Variants in SEMA7A observed in about 807,000 individuals in gnomAD.
SEMA7A encodes the protein semaphorin 7A (JohnMiltonHagen blood group), also known as semaphorin-7A.
SEMA7A carries 21 observed loss-of-function variants against 67.5 expected under a neutral mutation model. That is an observed-to-expected ratio of 0.31 (90% confidence interval 0.22 to 0.45). The LOEUF is 0.45. Among genes scored for constraint, SEMA7A ranks in the 20% least tolerant of loss-of-function variants. The probability of loss-of-function intolerance (pLI) is 1.00; values close to 1 mark genes in which losing one functional copy is unlikely to be tolerated. For synonymous variants in SEMA7A, 364 were observed against 368.5 expected (o/e 0.99, Z 0.14); for missense variants, 774 against 908.6 (o/e 0.85, Z 1.90).
intron 1 of SEMA7A, among the ~76,000 whole-genome samples, chr15:74,426,541 G>A (rs1355557143): frequency 2.0e-5 from 3 of 152,122 alleles, no homozygotes; most frequent in African/African-American, 4.8e-5. Context: ...GAATCTTCTC[G>A]AGGTGCAGCG....
At chr15:74,430,558 CG>C (rs1203412155) in intron 1 of SEMA7A, among the ~76,000 whole-genome samples, 1 of 152,214 alleles carries the variant, frequency 6.6e-6, no homozygotes, top group East Asian at 1.9e-4. Context: ...CCTGTGCCAG[CG>C]TCCATTCCAC....
At chr15:74,417,230 C>T (rs2060958069) in intron 6 of SEMA7A, 105 bp downstream of exon 6, 4 of 876,596 alleles carry the variant, frequency 4.6e-6, no homozygotes, top group Non-Finnish European at 5.6e-6. Flanking sequence ...CTGCATGGCC[C>T]CAGCGGCCCT....
chr15:74,417,620 G>T lies in SEMA7A; in HGVS notation c.521C>A (p.Pro174Gln). The T allele has an allele frequency of 6.2e-7, 1 of 1,612,784 alleles. No homozygotes were observed. The highest frequency in any genetic ancestry group is 1.3e-5 in the African/African-American group (1 of 75,024). The change falls in exon 5 of 14, where the codon CCG (proline) becomes CAG (glutamine). Residue 174 changes from proline to glutamine, a missense_variant. Pro to Gln is a moderately conservative substitution (Grantham distance 76). Transcript: ENST00000261918. ...GEMRGYAPFS[P>Q]DENSLVLFEG... The stretch of plus-strand genomic sequence containing the variant: ...AAACAGAACCAGGGAGTTCTCGTCC[G>T]GGCTGAAGGGGGCGTAGCCTCTCAT...
At chr15:74,416,103 G>A in intron 7 of SEMA7A, 118 bp from the exon 8 acceptor site, 1 of 1,080,192 alleles carries the variant, frequency 9.3e-7, no homozygotes, top group East Asian at 2.4e-5. Flanking sequence ...GGCAGGCTGT[G>A]AGGGGCCAGG....
chr15:74,412,464 T>C (rs1349415094), intron 10 of SEMA7A, among the ~76,000 whole-genome samples: 1 of 152,108 alleles, frequency 6.6e-6, no homozygotes, highest in Non-Finnish European at 1.5e-5. Flanking sequence ...AGAGACCGAG[T>C]TGGAACCCAA....
Position 74,410,979 on chromosome 15 carries a change from G to T in SEMA7A, c.1646C>A (p.Ala549Asp). Residue 549 changes from alanine (A) to aspartate (D), a missense_variant, in exon 14 of 14, where the codon GCC becomes GAC. By Grantham distance (126) the Ala-to-Asp change is moderately radical. Around this residue, in one of 2 missense-constraint regions of SEMA7A, gnomAD observed 427 missense variants for 555.4 expected, o/e 0.77. Coordinates refer to ENST00000261918, the MANE Select transcript of SEMA7A (RefSeq NM_003612.5). This position sits in a 1 kb window ranked among gnomAD's most constrained non-coding sequence, Gnocchi z 7.5. ...KECPNPKPDKAPLQKVSLAPN... is the reference protein window; with the variant it reads ...KECPNPKPDKDPLQKVSLAPN... The stretch of plus-strand genomic sequence containing the variant: ...GGCCAGGGAAACCTTCTGCAGTGGG[G>T]CCTTGTCTGGGGAGGCAGTGGGGAA... The T allele has an allele frequency of 6.2e-7, 1 of 1,611,696 alleles. No homozygotes were observed. The highest frequency in any genetic ancestry group is 8.5e-7 in the Non-Finnish European group (1 of 1,178,754).
intron 6 of SEMA7A, 116 bp downstream of exon 6, chr15:74,417,219 C>A: frequency 1.2e-6 from 1 of 802,114 alleles, no homozygotes; most frequent in Middle Eastern, 2.4e-4. Flanking sequence ...GTCCTGCTTT[C>A]CTGCATGGCC....
At position 74,415,996 on chromosome 15, in the gene SEMA7A, A is replaced by G; in HGVS notation, c.802-11T>C. 1 of 1,611,876 alleles carries G rather than the reference A, an allele frequency of 6.2e-7. No homozygotes were observed. Among genetic ancestry groups the G allele is most frequent in the Non-Finnish European group, 8.5e-7 (1 of 1,178,238 alleles). On this transcript the variant is annotated splice_polypyrimidine_tract_variant and intron_variant, in intron 7 of 13. Transcript: ENST00000261918. ...CCCACCCTGGTCCCCCTGGAAGGGT[A>G]GAGGGGAGAAGAGGCCCCTCAGCAC...
intron 1 of SEMA7A, among the ~76,000 whole-genome samples, chr15:74,431,253 A>G (rs2061086204): frequency 6.6e-6 from 1 of 152,154 alleles, no homozygotes; most frequent in South Asian, 2.1e-4. Context: ...GGCAGGCTCT[A>G]AGGGTCAAAG....
In SEMA7A at chr15:74,410,957, C is replaced by G. The variant is rs779020867; in HGVS notation, c.1668G>C (p.Leu556=). 6.2e-7 allele frequency: 1 copy of G among 1,613,626 alleles called. No individual in the cohort carries two copies. Among genetic ancestry groups the G allele is most frequent in the Non-Finnish European group, 8.5e-7 (1 of 1,179,930 alleles). ...TCAGGTAGTAGCGAGAGTTTGGGGC[C>G]AGGGAAACCTTCTGCAGTGGGGCCT... is the stretch of plus-strand genomic sequence containing the variant. ...PDKAPLQKVS[L]APNSRYYLSC... The change falls in exon 14 of 14, where the codon CTG becomes CTC. Residue 556 remains leucine, a synonymous_variant. Coordinates refer to ENST00000261918, the MANE Select transcript of SEMA7A (RefSeq NM_003612.5). The surrounding 1 kb of genome is among the most constrained non-coding windows in gnomAD (Gnocchi z 7.5).
At chr15:74,416,047 A>T (rs2060945458) in intron 7 of SEMA7A, 62 bp from the exon 8 acceptor site, 24 of 1,523,830 alleles carry the variant, frequency 1.6e-5, no homozygotes, top group Non-Finnish European at 2.2e-5. Flanking sequence ...CACACACCCC[A>T]GGAAACCACT....
In SEMA7A at chr15:74,411,202, G is replaced by A; in HGVS notation, c.1639+93C>T. The A allele has an allele frequency of 6.9e-7, 1 of 1,441,524 alleles. No individual in the cohort carries two copies. The highest frequency in any genetic ancestry group is 9.5e-7 in the Non-Finnish European group (1 of 1,051,934). 89.3% of individuals were successfully genotyped at this position (1,441,524 alleles called of 1,614,324 possible). A position where few individuals can be genotyped will look rare whatever the true frequency, so the allele number is the denominator to read the frequency against. On this transcript the variant is annotated intron_variant, in intron 13 of 13. Coordinates refer to ENST00000261918, the MANE Select transcript of SEMA7A (RefSeq NM_003612.5). This position sits in a 1 kb window ranked among gnomAD's most constrained non-coding sequence, Gnocchi z 4.4. ...TGCCCCATGTACCTGGGGCCCACAG[G>A]ACAAGGCCATGTCTCCCTCAGACCA... is the stretch of plus-strand genomic sequence containing the variant.
chr15:74,410,559 T>C lies in SEMA7A; in HGVS notation c.*65A>G. ...AAGGAGCTCCCGGGCCAGCCGGCTCTGAGTGTGAGACGTTCTAGTGCCCTG... is the reference window on the plus strand; with the variant it reads ...AAGGAGCTCCCGGGCCAGCCGGCTCCGAGTGTGAGACGTTCTAGTGCCCTG... On this transcript the variant is annotated 3_prime_UTR_variant, in exon 14 of 14. Coordinates refer to ENST00000261918, the MANE Select transcript of SEMA7A (RefSeq NM_003612.5). The surrounding 1 kb of genome is among the most constrained non-coding windows in gnomAD (Gnocchi z 7.5). 6.6e-7 allele frequency: 1 copy of C among 1,515,474 alleles called. No homozygotes were observed. The highest frequency in any genetic ancestry group is 2.3e-5 in the East Asian group (1 of 43,872). 93.9% of individuals were successfully genotyped at this position (1,515,474 alleles called of 1,614,324 possible).
rs572820760 is a variant in SEMA7A, at chr15:74,430,220, C to T, written c.178+3521G>A. Among the ~76,000 whole-genome samples the T allele has an allele frequency of 6.0e-4, 91 of 152,176 alleles. 1 individual carries two copies. Among genetic ancestry groups the T allele is most frequent in the South Asian group, 2.1e-3 (10 of 4,828 alleles). ...CAAATGATCCTCAGCCTTTGGCCCA[C>T]GAGAGAAAAAGATAGGAAAGAACGC... is the stretch of plus-strand genomic sequence containing the variant. On this transcript the variant is annotated intron_variant, in intron 1 of 13. Coordinates refer to ENST00000261918, the MANE Select transcript of SEMA7A (RefSeq NM_003612.5).
At chr15:74,417,298 C>T (rs772704790) in intron 6 of SEMA7A, 37 bp downstream of exon 6, 1 of 1,540,986 alleles carries the variant, frequency 6.5e-7, no homozygotes, top group Non-Finnish European at 9.0e-7. Context: ...GCTCACACCC[C>T]CTTGCCCACC....
rs1370751875 is a variant in SEMA7A at position 74,409,732 on chromosome 15, T to G, written c.*892A>C. The G allele has an allele frequency of 6.7e-6, 1 of 150,170 alleles. No homozygotes were observed. The highest frequency in any genetic ancestry group is 2.5e-5 in the African/African-American group (1 of 40,596). The allele number at this position is 150,170 out of a possible 1,614,324, so 9.3% of individuals were successfully genotyped here. On this transcript the variant is annotated 3_prime_UTR_variant, in exon 14 of 14. Coordinates refer to ENST00000261918, the MANE Select transcript of SEMA7A (RefSeq NM_003612.5). ...CTCAGTTTTCTCCTTCATTCTCCCG[T>G]TTCCCTCACCCCACCCCCTCCCATA...
At chr15:74,416,434 C>T (rs2060949090) in intron 7 of SEMA7A, 141 bp downstream of exon 7, 1 of 865,290 alleles carries the variant, frequency 1.2e-6, no homozygotes, top group East Asian at 2.7e-5. Flanking sequence ...CATGCACACA[C>T]AGCTGCTCCC....
chr15:74,417,798 T>A, intron 4 of SEMA7A, 79 bp downstream of exon 4: 1 of 1,567,390 alleles, frequency 6.4e-7, no homozygotes, highest in African/African-American at 1.4e-5. Flanking sequence ...AGTCTCGCCA[T>A]CTCCTTCCCA....
chr15:74,424,286 T>C (rs2061025195), intron 1 of SEMA7A, among the ~76,000 whole-genome samples: 1 of 152,168 alleles, frequency 6.6e-6, no homozygotes, highest in Admixed American at 6.5e-5. Context: ...TGCTGGTACT[T>C]GTTTGGGCCT....
Sources: gnomAD v4.1 joint callset for allele counts (sites outside exome capture counted in the v4.1 genomes callset) on GRCh38, gnomAD v4.1.1 for gene constraint, gnomAD v4.1.1 regional missense constraint, Gnocchi (gnomAD v3.1) non-coding constraint, MANE v1.5 for transcripts, NCBI Gene and HGNC (gene_info 2026-07-23, HGNC 2026-07-21) for gene names.